PCAT7: variants seen among roughly 807,000 people sequenced by gnomAD.
PCAT7 encodes the protein prostate cancer associated transcript 7, also known as prostate cancer associated transcript 7 (non-protein coding).
intron 3 of PCAT7, among the ~76,000 whole-genome samples, chr9:94,574,129 G>A (rs536107398): frequency 6.6e-6 from 1 of 152,170 alleles, no homozygotes; most frequent in South Asian, 2.1e-4. Flanking sequence ...GAAAAACAAG[G>A]CAACCTGAGA....
chr9:94,572,468 C>T (rs1324020022), intron 2 of PCAT7, among the ~76,000 whole-genome samples: 8 of 152,146 alleles, frequency 5.3e-5, no homozygotes, highest in African/African-American at 1.4e-4. Context: ...TTTGTAAACC[C>T]GAATGTTCTT....
intron 1 of PCAT7, chr9:94,558,700 A>C: frequency 2.1e-6 from 1 of 481,622 alleles, no homozygotes; most frequent in South Asian, 2.3e-5. Context: ...TTTCTGACAG[A>C]AGACAAGCCA....
chr9:94,566,941 G>T (rs1040430353), intron 2 of PCAT7, among the ~76,000 whole-genome samples: 5 of 132,084 alleles, frequency 3.8e-5, no homozygotes, highest in Non-Finnish European at 6.4e-5. Context: ...GCAACTGAGT[G>T]AGTCTATAGG....
chr9:94,557,631 C>G (rs1482764583), intron 1 of PCAT7, among the ~76,000 whole-genome samples: 2 of 152,212 alleles, frequency 1.3e-5, no homozygotes, highest in African/African-American at 2.4e-5. Flanking sequence ...CTTGCTTCCT[C>G]CAGGGCCTTG....
chr9:94,561,337 T>A (rs1434425332), intron 2 of PCAT7, among the ~76,000 whole-genome samples: 1 of 146,914 alleles, frequency 6.8e-6, no homozygotes, highest in Non-Finnish European at 1.5e-5. Context: ...GCAGGCCATG[T>A]GACATGTGAC....
chr9:94,570,170 G>A (rs1266364976), intron 2 of PCAT7: 1 of 152,200 alleles, frequency 6.6e-6, no homozygotes, highest in Non-Finnish European at 1.5e-5. Flanking sequence ...GAAAACAGAG[G>A]CTCTGTCTGT....
intron 2 of PCAT7, among the ~76,000 whole-genome samples, chr9:94,572,592 T>C (rs56404355): frequency 0.083 from 12,563 of 152,230 alleles, 572 homozygotes; most frequent in South Asian, 0.16. Context: ...AGTGTCTGAC[T>C]TCCCAGCTAG....
Position 94,574,448 on chromosome 9 carries a change from T to C in PCAT7, n.512+1399T>C, listed in dbSNP as rs555074290. Among the ~76,000 whole-genome samples the C allele has an allele frequency of 2.0e-4, 31 of 152,286 alleles. No individual in the cohort carries two copies. In the South Asian group the frequency reaches 6.4e-3, roughly 32 times the overall value. ...TTTTATATGTTTATTTTGACCATTT[T>C]TATTTTGTAAGTTGTCTCTTTCATG... On this transcript the variant is annotated intron_variant and non_coding_transcript_variant, in intron 3 of 8. Transcript: ENST00000647389.
intron 2 of PCAT7, among the ~76,000 whole-genome samples, chr9:94,561,873 G>C (rs1319665730): frequency 6.6e-6 from 1 of 152,302 alleles, no homozygotes; most frequent in Non-Finnish European, 1.5e-5. Flanking sequence ...TCTATCTATG[G>C]AGTGACATGT....
chr9:94,556,041 C>G (rs1827007317), intron 1 of PCAT7, among the ~76,000 whole-genome samples: 1 of 146,270 alleles, frequency 6.8e-6, no homozygotes, highest in Non-Finnish European at 1.5e-5. Context: ...GGGGAAAAGG[C>G]TTTGAGAAAA....
At chr9:94,559,198 A>G in intron 2 of PCAT7, 1 of 1,442,256 alleles carries the variant, frequency 6.9e-7, no homozygotes. Context: ...CCATGCCCCT[A>G]AAGCTGGGGG....
At chr9:94,562,750 G>A (rs916014520) in intron 2 of PCAT7, among the ~76,000 whole-genome samples, 2 of 152,146 alleles carry the variant, frequency 1.3e-5, no homozygotes, top group Admixed American at 1.3e-4. Flanking sequence ...GTTCTCACTT[G>A]ATAATACAAG....
intron 2 of PCAT7, chr9:94,559,268 G>C: frequency 1.4e-6 from 1 of 703,890 alleles, no homozygotes; most frequent in Non-Finnish European, 2.3e-6. Flanking sequence ...CACCTTGCAA[G>C]AGTGGGCCCG....
rs1183044343 is a variant in PCAT7 at position 94,567,173 on chromosome 9, A to G, written n.442-5806A>G. 6.3e-6 allele frequency: 8 copies of G among 1,274,362 alleles called. No individual in the cohort carries two copies. In the Admixed American group the frequency reaches 1.3e-4, roughly 20 times the overall value. The allele number at this position is 1,274,362 out of a possible 1,614,324, so 78.9% of individuals were successfully genotyped here. On this transcript the variant is annotated intron_variant and non_coding_transcript_variant, in intron 2 of 8. Coordinates refer to ENST00000647389, the Ensembl canonical transcript of PCAT7. Reference sequence around the variant, plus strand: ...ACTGACCACAGCCATAAACAGTGGCACCAACCTCTTTCAGCAAAGCCCCTG... The same window carrying G: ...ACTGACCACAGCCATAAACAGTGGCGCCAACCTCTTTCAGCAAAGCCCCTG...
intron 2 of PCAT7, among the ~76,000 whole-genome samples, chr9:94,565,168 G>A (rs111698561): frequency 0.026 from 3,891 of 152,110 alleles, 167 homozygotes; most frequent in African/African-American, 0.088. Context: ...GTGGTCAGGC[G>A]TTCAAGACCA....
chr9:94,561,647 G>A (rs1415925384), intron 2 of PCAT7, among the ~76,000 whole-genome samples: 2 of 152,086 alleles, frequency 1.3e-5, no homozygotes, highest in Admixed American at 6.5e-5. Context: ...TTACAGGCGT[G>A]AGCCACCGCA....
intron 2 of PCAT7, chr9:94,571,453 T>C (rs754526159): frequency 7.5e-6 from 12 of 1,606,436 alleles, no homozygotes; most frequent in African/African-American, 4.0e-5. Flanking sequence ...TGCCATATTC[T>C]GTACCTACCG....
chr9:94,554,812 C>T (rs1183144747), upstream of PCAT7, among the ~76,000 whole-genome samples: 1 of 152,158 alleles, frequency 6.6e-6, no homozygotes, highest in Non-Finnish European at 1.5e-5. Flanking sequence ...CTCCAGGGGG[C>T]GAAAAGTGAC....
intron 2 of PCAT7, chr9:94,567,592 G>T: frequency 1.7e-6 from 1 of 596,250 alleles, no homozygotes; most frequent in Non-Finnish European, 2.9e-6. Flanking sequence ...ACCATATGGA[G>T]CCCACACAGG....
Sources: gnomAD v4.1 joint callset for allele counts (sites outside exome capture counted in the v4.1 genomes callset) on GRCh38, gnomAD v4.1.1 for gene constraint, MANE v1.5 for transcripts, NCBI Gene and HGNC (gene_info 2026-07-23, HGNC 2026-07-21) for gene names.